FGFR1: variants seen among roughly 807,000 people sequenced by gnomAD.
FGFR1 encodes the protein FGFR1/PLAG1 fusion.
FGFR1 carries 18 observed loss-of-function variants against 93.7 expected under a neutral mutation model. That is an observed-to-expected ratio of 0.19 (90% CI 0.13 to 0.28). The LOEUF (loss-of-function observed/expected upper bound fraction) is 0.28. Ranked by LOEUF, FGFR1 falls within the 10% of genes least tolerant of loss-of-function variation. The pLI is 1.00. For missense variants in FGFR1, 731 were observed against 1,080.4 expected (o/e 0.68, Z 4.53); for synonymous variants, 448 against 429.3 (o/e 1.04, Z -0.54).
chr8:38,445,402 T>C (rs1404261757), intron 2 of FGFR1, among the ~76,000 whole-genome samples: 3 of 152,240 alleles, frequency 2.0e-5, no homozygotes, highest in Admixed American at 1.3e-4. Flanking sequence ...GGTCATGATA[T>C]ATTACCCCAT....
chr8:38,423,250 T>C (rs935487705), intron 7 of FGFR1: 2 of 752,486 alleles, frequency 2.7e-6, no homozygotes, highest in Non-Finnish European at 4.9e-6. Context: ...CCCGTGTAAC[T>C]TTCAGGCAGG....
chr8:38,418,928 T>G (rs1188288865), intron 9 of FGFR1, among the ~76,000 whole-genome samples: 2 of 152,162 alleles, frequency 1.3e-5, no homozygotes, highest in African/African-American at 2.4e-5. Flanking sequence ...AGGAGGTCAT[T>G]GACTCATGGG....
At chr8:38,414,693 G>C in intron 14 of FGFR1, 64 bp from the exon 15 acceptor site, 1 of 1,613,378 alleles carries the variant, frequency 6.2e-7, no homozygotes, top group South Asian at 1.1e-5. Flanking sequence ...CAGGTGGGAA[G>C]GGACTGGGGG....
chr8:38,450,285 G>A (rs1049017287), intron 2 of FGFR1, among the ~76,000 whole-genome samples: 2 of 152,188 alleles, frequency 1.3e-5, no homozygotes, highest in African/African-American at 4.8e-5. Context: ...CCAGGAGAAT[G>A]AGAGCAGCTG....
Position 38,417,974 on chromosome 8 carries a change from G to C in FGFR1, c.1448C>G (p.Pro483Arg), listed in dbSNP as rs753460572. ...CTGCCCAAAGCAGCCCTCTCCCAGG[G>C]GTTTGCCTAAGACCAGTCTTTCGGG... Reference protein sequence around the residue: ...LPRDRLVLGKPLGEGCFGQVV... With the variant: ...LPRDRLVLGKRLGEGCFGQVV... The change falls in exon 11 of 18, where the codon CCC becomes CGC. Residue 483 changes from proline (P) to arginine (R), a missense_variant. By Grantham distance (103) the Pro-to-Arg change is moderately radical (BLOSUM62 -2). Around this residue, in one of 10 missense-constraint regions of FGFR1, gnomAD observed 5 missense variants for 21.8 expected, o/e 0.23. Transcript: ENST00000447712. The C allele has an allele frequency of 3.7e-6, 6 of 1,614,146 alleles. No individual in the cohort carries two copies. The highest frequency in any genetic ancestry group is 5.1e-6 in the Non-Finnish European group (6 of 1,180,018).
At chr8:38,448,685 T>C (rs1473469249) in intron 2 of FGFR1, among the ~76,000 whole-genome samples, 5 of 152,100 alleles carry the variant, frequency 3.3e-5, no homozygotes, top group Non-Finnish European at 7.4e-5. Context: ...CCAGGTGTGG[T>C]GGCTCACGCC....
Position 38,468,589 on chromosome 8 carries a change from C to T in FGFR1, c.-697G>A. Reference sequence around the variant, plus strand: ...GGCTCCCGCTAGCTGCCGCCCGCCGCCGAGGACGCCGCGCCTGTGGCCGCA... The same window carrying T: ...GGCTCCCGCTAGCTGCCGCCCGCCGTCGAGGACGCCGCGCCTGTGGCCGCA... On this transcript the variant is annotated 5_prime_UTR_variant, in exon 1 of 18. Coordinates refer to ENST00000447712, the MANE Select transcript of FGFR1 (RefSeq NM_023110.3). 4.4e-6 allele frequency: 1 copy of T among 229,522 alleles called. No homozygotes were observed. The highest frequency in any genetic ancestry group is 8.7e-6 in the Non-Finnish European group (1 of 115,492). 14.2% of individuals were successfully genotyped at this position (229,522 alleles called of 1,614,324 possible). A position where few individuals can be genotyped will look rare whatever the true frequency, so the allele number is the denominator to read the frequency against.
rs1203148326 is a variant in FGFR1 at position 38,436,920 on chromosome 8, C to T, written c.92-6972G>A. Among the ~76,000 whole-genome samples, 3 of 152,136 alleles carry T rather than the reference C, an allele frequency of 2.0e-5. No individual in the cohort carries two copies. The East Asian group carries it at 5.8e-4, about 29-fold the overall frequency. Reference sequence around the variant, plus strand: ...CTAGCAGGACTGGACAAAAATCTCCCACAGTCATTTAGAAGGCAGTTCTGG... The same window carrying T: ...CTAGCAGGACTGGACAAAAATCTCCTACAGTCATTTAGAAGGCAGTTCTGG... On this transcript the variant is annotated intron_variant, in intron 2 of 17. Coordinates refer to ENST00000447712, the MANE Select transcript of FGFR1 (RefSeq NM_023110.3).
intron 8 of FGFR1, among the ~76,000 whole-genome samples, chr8:38,421,236 G>T (rs1818652246): frequency 6.6e-6 from 1 of 152,200 alleles, no homozygotes; most frequent in Non-Finnish European, 1.5e-5. Flanking sequence ...AGGATACATG[G>T]ACATCGTGAA....
At position 38,426,221 on chromosome 8, in the gene FGFR1, T is replaced by C. The variant is rs763771933; in HGVS notation, c.646A>G (p.Ile216Val). The C allele has an allele frequency of 1.2e-5, 20 of 1,614,068 alleles. No homozygotes were observed. The highest frequency in any genetic ancestry group is 4.4e-5 in the South Asian group (4 of 91,090). Residue 216 changes from isoleucine to valine, a missense_variant, in exon 6 of 18, where the codon ATA becomes GTA. Around this residue, in one of 10 missense-constraint regions of FGFR1, gnomAD observed 109 missense variants for 249.4 expected, o/e 0.44. Transcript: ENST00000447712. The surrounding 1 kb of genome is among the most constrained non-coding windows in gnomAD (Gnocchi z 4.1). ...TCAGAGGGCACCACAGAGTCCATTA[T>C]GATGCTCCAGGTGGCATAACGGACC... ...YKVRYATWSI[I>V]MDSVVPSDKG...
intron 1 of FGFR1, among the ~76,000 whole-genome samples, chr8:38,466,890 ACCC>A (rs1313311655): frequency 2.7e-4 from 7 of 25,590 alleles, no homozygotes; most frequent in South Asian, 1.5e-3. Flanking sequence ...CAGGCTTCAC[ACCC>A]CACCCCCCCC....
intron 2 of FGFR1, among the ~76,000 whole-genome samples, chr8:38,454,461 T>G (rs1832095963): frequency 6.6e-6 from 1 of 152,154 alleles, no homozygotes; most frequent in East Asian, 1.9e-4. Context: ...CTCACTCCCT[T>G]TACACTCTCA....
At chr8:38,427,667 G>C (rs1821272812) in intron 5 of FGFR1, among the ~76,000 whole-genome samples, 1 of 152,138 alleles carries the variant, frequency 6.6e-6, no homozygotes, top group Admixed American at 6.6e-5. Flanking sequence ...ATCAGGAAAA[G>C]ACTCATGTTA....
chr8:38,418,112 T>A (rs954554797), intron 10 of FGFR1, 116 bp downstream of exon 10: 1 of 1,606,128 alleles, frequency 6.2e-7, no homozygotes, highest in Admixed American at 1.7e-5. Context: ...AATGAATGTT[T>A]CTGCAGGCAT....
intron 3 of FGFR1, 24 bp from the exon 4 acceptor site, chr8:38,428,459 G>C: frequency 6.3e-7 from 1 of 1,589,166 alleles, no homozygotes; most frequent in Non-Finnish European, 8.6e-7. Context: ...AAGGGGCACT[G>C]AGGTTCCTCC....
intron 1 of FGFR1, chr8:38,463,167 A>G (rs1001186319): frequency 2.5e-5 from 4 of 161,156 alleles, no homozygotes; most frequent in African/African-American, 9.6e-5. Context: ...TGGCCTCCCA[A>G]AGTGCTGGGA....
rs1028286646 is a variant in FGFR1, at chr8:38,440,233, C to T, written c.92-10285G>A. ...TTAAAAGGAGCACAGAACAGCGCAGCGGGGCTCCGGGGGCCCTCTGCAGAG... is the reference window on the plus strand; with the variant it reads ...TTAAAAGGAGCACAGAACAGCGCAGTGGGGCTCCGGGGGCCCTCTGCAGAG... On this transcript the variant is annotated intron_variant, in intron 2 of 17. Transcript: ENST00000447712. The T allele has an allele frequency of 5.9e-5, 78 of 1,323,880 alleles. No homozygotes were observed. The South Asian group carries it at 9.1e-4, about 15-fold the overall frequency. The allele number at this position is 1,323,880 out of a possible 1,614,324, so 82.0% of individuals were successfully genotyped here. A position where few individuals can be genotyped will look rare whatever the true frequency, so the allele number is the denominator to read the frequency against.
rs1822033794 is a variant in FGFR1, at chr8:38,429,435, T to C, written c.358+247A>G. On this transcript the variant is annotated intron_variant, in intron 3 of 17. Transcript: ENST00000447712. The surrounding 1 kb of genome is among the most constrained non-coding windows in gnomAD (Gnocchi z 4.4). ...CAGGGTCTTAACATCCCAAGAGCCC[T>C]GGCAATCACCTCCGAGGTGTGTCCT... The C allele has an allele frequency of 7.1e-6, 5 of 700,654 alleles. No individual in the cohort carries two copies. Among genetic ancestry groups the C allele is most frequent in the Admixed American group, 2.0e-5 (1 of 50,028 alleles). The allele number at this position is 700,654 out of a possible 1,614,324, so 43.4% of individuals were successfully genotyped here.
Position 38,413,658 on chromosome 8 carries a change from C to A in FGFR1, c.2439G>T (p.Gln813His), listed in dbSNP as rs749184176. The A allele has an allele frequency of 6.2e-7, 1 of 1,612,904 alleles. No individual in the cohort carries two copies. The part of the protein sequence containing the change: ...EEPCLPRHPA[Q>H]LANGGLKRR ...GGCGTTTGAGTCCGCCATTGGCAAGCTGGGCTGGGTGTCGGGGCAGGCAGG... is the reference window on the plus strand; with the variant it reads ...GGCGTTTGAGTCCGCCATTGGCAAGATGGGCTGGGTGTCGGGGCAGGCAGG... Residue 813 changes from glutamine to histidine, a missense_variant, in exon 18 of 18, where the codon CAG becomes CAT. Coordinates refer to ENST00000447712, the MANE Select transcript of FGFR1 (RefSeq NM_023110.3). This position sits in a 1 kb window ranked among gnomAD's most constrained non-coding sequence, Gnocchi z 4.2.
Sources: allele counts gnomAD v4.1 joint callset (sites outside exome capture counted in the v4.1 genomes callset), GRCh38; gene constraint gnomAD v4.1.1; regional missense constraint gnomAD v4.1.1; non-coding constraint Gnocchi (gnomAD v3.1); transcripts MANE v1.5; gene names NCBI Gene and HGNC (gene_info 2026-07-23, HGNC 2026-07-21).